Variants in SOX5 observed in about 807,000 individuals in gnomAD.
SOX5 encodes the protein transcription factor SOX-5.
SOX5 carries 9 observed loss-of-function variants against 92.0 expected under a neutral mutation model. The observed-to-expected ratio is 0.10, with a 90% CI of 0.06 to 0.17. The LOEUF (loss-of-function observed/expected upper bound fraction) is 0.17, where lower values mean the gene tolerates loss of function less well. SOX5 is among the 10% of genes least tolerant of loss of function. SOX5 has a pLI of 1.00. For synonymous variants in SOX5, 344 were observed against 336.3 expected, an observed-to-expected ratio of 1.02 and a Z score of -0.25; for missense variants, 642 against 944.5, an observed-to-expected ratio of 0.68 and a Z score of 4.20.
At position 24,137,268 on chromosome 12, in the gene SOX5, C is replaced by G. The variant is rs546911927; in HGVS notation, c.-2+76075G>C. ...ACTGGGCAAGTTCTCTCCTGAGATT[C>G]TGGTGTGCCTTGTACTGAGGAGGTA... On this transcript the variant is annotated intron_variant, in intron 4 of 4. Coordinates refer to the SOX5 transcript ENST00000446891. 2.6e-5 allele frequency among the ~76,000 whole-genome samples: 4 copies of G among 152,242 alleles called. No homozygotes were observed. The East Asian group carries it at 7.7e-4, about 29-fold the overall frequency.
At chr12:23,863,698 A>T (rs2096779949) in intron 2 of SOX5, among the ~76,000 whole-genome samples, 1 of 151,972 alleles carries the variant, frequency 6.6e-6, no homozygotes, top group Admixed American at 6.6e-5. Flanking sequence ...TACTACTTAT[A>T]ATTGGCTACA....
intron 4 of SOX5, among the ~76,000 whole-genome samples, chr12:24,204,621 C>A (rs1957850322): frequency 6.6e-6 from 1 of 152,102 alleles, no homozygotes; most frequent in Non-Finnish European, 1.5e-5. Context: ...GAGCTACCAC[C>A]CCCAACCCAG....
intron 8 of SOX5, among the ~76,000 whole-genome samples, chr12:23,620,651 C>T (rs1035298277): frequency 6.6e-6 from 1 of 152,006 alleles, no homozygotes; most frequent in African/African-American, 2.4e-5. Context: ...ACTACCCCAA[C>T]ACATATAACT....
intron 3 of SOX5, among the ~76,000 whole-genome samples, chr12:24,247,457 T>C (rs1163912578): frequency 2.6e-5 from 4 of 151,974 alleles, no homozygotes; most frequent in Non-Finnish European, 5.9e-5. Context: ...GTTGAGTTTA[T>C]GCTAAGGCCC....
Position 23,677,765 on chromosome 12 carries a change from T to C in SOX5, c.811-12201A>G, listed in dbSNP as rs536010235. On this transcript the variant is annotated intron_variant, in intron 6 of 14. Transcript: ENST00000451604. ...CTAGATTGGTGTGAATGGCTAGTGA[T>C]TGGATATTTATTTGTTTGTAGCATG... is the stretch of plus-strand genomic sequence containing the variant. Among the ~76,000 whole-genome samples the C allele has an allele frequency of 9.8e-5, 15 of 152,294 alleles. No homozygotes were observed. In the South Asian group the frequency reaches 1.0e-3, roughly 11 times the overall value.
intron 3 of SOX5, among the ~76,000 whole-genome samples, chr12:23,767,879 C>T (rs573970821): frequency 6.6e-6 from 1 of 151,780 alleles, no homozygotes; most frequent in South Asian, 2.1e-4. Flanking sequence ...AGATTTATAT[C>T]ACCTAAATCT....
chr12:24,290,665 T>C (rs1344390884), intron 2 of SOX5, among the ~76,000 whole-genome samples: 1 of 152,178 alleles, frequency 6.6e-6, no homozygotes, highest in Non-Finnish European at 1.5e-5. Context: ...ACACTGGTGG[T>C]ATAAAGGCAT....
chr12:24,460,988 C>A (rs1943560799), intron 1 of SOX5, among the ~76,000 whole-genome samples: 1 of 152,160 alleles, frequency 6.6e-6, no homozygotes, highest in African/African-American at 2.4e-5. Flanking sequence ...AAATTCATAT[C>A]ACCAAATATA....
At position 23,704,401 on chromosome 12, in the gene SOX5, A is replaced by G. The variant is rs79933246; in HGVS notation, c.810+30283T>C. On this transcript the variant is annotated intron_variant, in intron 6 of 14. Coordinates refer to ENST00000451604, the MANE Select transcript of SOX5 (RefSeq NM_006940.6). Reference sequence around the variant, plus strand: ...ATTCTTCTCCCTTATTTTGTCAATTATGTATAAATGTTTTTCTAAGAATTT... The same window carrying G: ...ATTCTTCTCCCTTATTTTGTCAATTGTGTATAAATGTTTTTCTAAGAATTT... Among the ~76,000 whole-genome samples the G allele has an allele frequency of 6.2e-3, 941 of 151,898 alleles. 5 individuals are homozygous for G. Among genetic ancestry groups the G allele is most frequent in the African/African-American group, 0.022 (893 of 41,506 alleles).
At chr12:24,480,138 G>A (rs1409260608) in intron 1 of SOX5, among the ~76,000 whole-genome samples, 1 of 152,034 alleles carries the variant, frequency 6.6e-6, no homozygotes, top group Non-Finnish European at 1.5e-5. Flanking sequence ...TTCAACAAAA[G>A]TGCCAAGAAC....
At chr12:23,654,973 A>T (rs1009816867) in intron 7 of SOX5, among the ~76,000 whole-genome samples, 8 of 152,214 alleles carry the variant, frequency 5.3e-5, no homozygotes, top group African/African-American at 1.9e-4. Flanking sequence ...GAGATTTTTT[A>T]AAATAAAATA....
intron 2 of SOX5, among the ~76,000 whole-genome samples, chr12:24,353,934 C>T (rs1486822431): frequency 2.6e-5 from 4 of 152,156 alleles, no homozygotes; most frequent in Non-Finnish European, 4.4e-5. Context: ...CCACCACGCC[C>T]GGCCACCTCA....
chr12:24,211,247 G>A (rs1007718264), intron 4 of SOX5, among the ~76,000 whole-genome samples: 1 of 152,132 alleles, frequency 6.6e-6, no homozygotes, highest in African/African-American at 2.4e-5. Context: ...CCTTTCCCTA[G>A]ACAGTGTATC....
At chr12:24,099,127 C>T (rs910252725) in intron 4 of SOX5, among the ~76,000 whole-genome samples, 5 of 152,146 alleles carry the variant, frequency 3.3e-5, no homozygotes, top group African/African-American at 1.2e-4. Context: ...ACAATCATAA[C>T]CCTGATGTGC....
At position 24,344,115 on chromosome 12, in the gene SOX5, T is replaced by C. The variant is rs533015364; in HGVS notation, c.-174+24448A>G. ...CTGACCAACATGGTGAAACCCCGTCTCTACTAAAAATACAAAAATTAGTTG... is the reference window on the plus strand; with the variant it reads ...CTGACCAACATGGTGAAACCCCGTCCCTACTAAAAATACAAAAATTAGTTG... On this transcript the variant is annotated intron_variant, in intron 2 of 4. Coordinates refer to the SOX5 transcript ENST00000446891. Among the ~76,000 whole-genome samples, 22 of 152,012 alleles carry C rather than the reference T, an allele frequency of 1.4e-4. No individual in the cohort carries two copies. The South Asian group carries it at 4.4e-3, about 30-fold the overall frequency.
intron 1 of SOX5, among the ~76,000 whole-genome samples, chr12:23,938,630 T>G (rs1943067224): frequency 6.6e-6 from 1 of 150,990 alleles, no homozygotes; most frequent in Non-Finnish European, 1.5e-5. Context: ...ATCAGCAAAT[T>G]CATTACTCAA....
intron 4 of SOX5, among the ~76,000 whole-genome samples, chr12:23,966,302 G>C (rs1311004908): frequency 6.9e-6 from 1 of 145,452 alleles, no homozygotes; most frequent in Non-Finnish European, 1.5e-5. Context: ...GAAGAAACAA[G>C]TTTGCTTGTA....
In SOX5 at chr12:23,533,302, T is replaced by C. The variant is rs529716532; in HGVS notation, c.*917A>G. ...AAAATATTTTTCTCTAAATTTCTTA[T>C]GTCTCTCTCTCTCTCTCTCTTTTCA... On this transcript the variant is annotated 3_prime_UTR_variant, in exon 15 of 15. Transcript: ENST00000451604. The C allele has an allele frequency of 2.5e-6, 1 of 397,410 alleles. No individual in the cohort carries two copies. Among genetic ancestry groups the C allele is most frequent in the Non-Finnish European group, 5.3e-6 (1 of 190,092 alleles). The allele number at this position is 397,410 out of a possible 1,614,324, so 24.6% of individuals were successfully genotyped here. A position where few individuals can be genotyped will look rare whatever the true frequency, so the allele number is the denominator to read the frequency against.
intron 4 of SOX5, among the ~76,000 whole-genome samples, chr12:24,070,585 T>TA (rs1309422219): frequency 1.7e-3 from 252 of 150,932 alleles, no homozygotes; most frequent in African/African-American, 4.9e-3. Context: ...TTATTGTTTT[T>TA]TAAAAAAAAA....
Sources: allele counts gnomAD v4.1 joint callset (sites outside exome capture counted in the v4.1 genomes callset), GRCh38; gene constraint gnomAD v4.1.1; transcripts MANE v1.5; gene names NCBI Gene and HGNC (gene_info 2026-07-23, HGNC 2026-07-21).